Variants in OPHN1 observed in about 807,000 individuals in gnomAD.
OPHN1 encodes oligophrenin 1.
OPHN1 carries 11 observed loss-of-function variants against 60.7 expected under a neutral mutation model. The observed-to-expected ratio is 0.18, with a 90% CI of 0.11 to 0.30. OPHN1 has a LOEUF of 0.30. OPHN1 is among the 10% of genes least tolerant of loss of function. The pLI is 1.00. For missense variants in OPHN1, 449 were observed against 611.0 expected (o/e 0.73, Z 2.80); for synonymous variants, 226 against 222.6 (o/e 1.02, Z -0.14).
At chrX:68,212,509 C>T (rs908217679) in intron 7 of OPHN1, among the ~76,000 whole-genome samples, 2 of 111,330 alleles carry the variant, frequency 1.8e-5, no homozygotes, top group African/African-American at 3.3e-5. Context: ...GGCTTGAACC[C>T]GGGAGGCGGA....
At chrX:68,232,274 A>T (rs139095931) in intron 6 of OPHN1, among the ~76,000 whole-genome samples, 3 of 111,814 alleles carry the variant, frequency 2.7e-5, no homozygotes, top group Non-Finnish European at 3.8e-5. Context: ...GCAGGACTCA[A>T]AGTACTCAAC....
chrX:68,338,567 C>T (rs181529730), intron 2 of OPHN1, among the ~76,000 whole-genome samples: 59 of 111,456 alleles, frequency 5.3e-4, no homozygotes, highest in African/African-American at 1.8e-3. Context: ...ACACAACATA[C>T]AAAAACTTCC....
chrX:68,399,929 A>G (rs2078705145), intron 2 of OPHN1, among the ~76,000 whole-genome samples: 1 of 108,480 alleles, frequency 9.2e-6, no homozygotes, highest in African/African-American at 3.4e-5. Context: ...GGGTCCAAGC[A>G]ATTCTCCCGC....
At chrX:68,265,576 G>GA (rs2147574891) in intron 5 of OPHN1, among the ~76,000 whole-genome samples, 1 of 111,167 alleles carries the variant, frequency 9.0e-6, no homozygotes, top group South Asian at 3.8e-4. Flanking sequence ...CAAAGATGGG[G>GA]AAAAAACAGA....
intron 6 of OPHN1, among the ~76,000 whole-genome samples, chrX:68,226,996 T>C (rs2077697547): frequency 9.0e-6 from 1 of 111,435 alleles, no homozygotes; most frequent in Non-Finnish European, 1.9e-5. Flanking sequence ...ATCAGTGTGC[T>C]GTATTCAGGA....
At chrX:68,144,020 C>CT (rs1387280633) in intron 15 of OPHN1, among the ~76,000 whole-genome samples, 5 of 110,074 alleles carry the variant, frequency 4.5e-5, no homozygotes, top group Non-Finnish European at 1.9e-5. Flanking sequence ...CTTTTCTTTT[C>CT]TTTTTTTGAG....
rs761607454 is a variant in OPHN1, at chrX:68,370,011, AATATATATATATATAT to A, written c.154+62840_154+62855del. On this transcript the variant is annotated intron_variant, in intron 2 of 24. Coordinates refer to ENST00000355520, the MANE Select transcript of OPHN1 (RefSeq NM_002547.3). Reference sequence around the variant, plus strand: ...ACAGTGGGATGGCATAAATTGCTGAAATATATATATATATATATATATATATATATATAGAACCTGT... The same window carrying A: ...ACAGTGGGATGGCATAAATTGCTGAAATATATATATATATATAGAACCTGT... 5.0e-3 allele frequency among the ~76,000 whole-genome samples: 321 copies of A among 64,360 alleles called. 12 individuals carry two copies. Among genetic ancestry groups the A allele is most frequent in the African/African-American group, 0.02 (252 of 12,834 alleles). 55.9% of individuals were successfully genotyped at this position (64,360 alleles called of 115,157 possible).
chrX:68,247,417 T>C (rs1173312481), intron 5 of OPHN1, among the ~76,000 whole-genome samples: 2 of 111,736 alleles, frequency 1.8e-5, no homozygotes, highest in Non-Finnish European at 3.8e-5. Context: ...GCTATAAATA[T>C]AGTAACTAAG....
At chrX:68,168,243 A>G (rs1602206696) in intron 15 of OPHN1, among the ~76,000 whole-genome samples, 1 of 111,114 alleles carries the variant, frequency 9.0e-6, no homozygotes, top group East Asian at 2.8e-4. Flanking sequence ...AATTGAACAC[A>G]TAGTTGGAAA....
intron 2 of OPHN1, among the ~76,000 whole-genome samples, chrX:68,307,012 C>A (rs2078148499): frequency 8.9e-6 from 1 of 111,875 alleles, no homozygotes; most frequent in African/African-American, 3.3e-5. Flanking sequence ...GTATGAGCCA[C>A]TGCACCCAGC....
chrX:68,384,512 G>C (rs1232271000), intron 2 of OPHN1, among the ~76,000 whole-genome samples: 1 of 111,915 alleles, frequency 8.9e-6, no homozygotes, highest in Non-Finnish European at 1.9e-5. Flanking sequence ...CTGAGGTCAG[G>C]AGTTCGAGAC....
chrX:68,233,647 C>A (rs1466493365), intron 6 of OPHN1, among the ~76,000 whole-genome samples: 4 of 111,149 alleles, frequency 3.6e-5, no homozygotes, highest in African/African-American at 1.3e-4. Context: ...AAATAGAATT[C>A]TACTTATGTT....
At chrX:68,206,703 G>C in intron 9 of OPHN1, 30 bp from the exon 10 acceptor site, 1 of 1,046,712 alleles carries the variant, frequency 9.6e-7, no homozygotes, top group Non-Finnish European at 1.3e-6. Flanking sequence ...TGAGCAGACA[G>C]AATAACTATT....
chrX:68,119,461 C>A, intron 15 of OPHN1, 129 bp from the exon 16 acceptor site: 1 of 486,812 alleles, frequency 2.1e-6, no homozygotes, highest in East Asian at 3.8e-5. Context: ...TTAGAAGAAG[C>A]AAATCTTTGA....
intron 3 of OPHN1, among the ~76,000 whole-genome samples, chrX:68,284,925 T>C (rs1012213167): frequency 8.9e-6 from 1 of 112,244 alleles, no homozygotes; most frequent in African/African-American, 3.2e-5. Flanking sequence ...TATTTTTCTA[T>C]CCAAATCAAA....
intron 15 of OPHN1, 192 bp downstream of exon 15, chrX:68,192,727 G>A: frequency 2.3e-6 from 1 of 434,801 alleles, no homozygotes; most frequent in South Asian, 3.4e-5. Flanking sequence ...TACGAGGAAG[G>A]AGAGATAACA....
At chrX:68,220,511 A>G (rs2077649217) in intron 6 of OPHN1, among the ~76,000 whole-genome samples, 1 of 102,991 alleles carries the variant, frequency 9.7e-6, no homozygotes, top group African/African-American at 3.5e-5. Context: ...TCCTTGATGA[A>G]CATTGATGCA....
intron 2 of OPHN1, among the ~76,000 whole-genome samples, chrX:68,400,653 G>A (rs1266120597): frequency 9.5e-6 from 1 of 104,919 alleles, no homozygotes; most frequent in Non-Finnish European, 2.0e-5. Context: ...CCAGGCTGGA[G>A]TGCTGTGGCA....
chrX:68,124,705 G>A (rs1307523961), intron 15 of OPHN1, among the ~76,000 whole-genome samples: 5 of 110,666 alleles, frequency 4.5e-5, no homozygotes, highest in Non-Finnish European at 9.5e-5. Flanking sequence ...CACCCAGGCT[G>A]GAATGCAGTG....
Sources: gnomAD v4.1 joint callset for allele counts (sites outside exome capture counted in the v4.1 genomes callset) on GRCh38, gnomAD v4.1.1 for gene constraint, MANE v1.5 for transcripts, NCBI Gene and HGNC (gene_info 2026-07-23, HGNC 2026-07-21) for gene names.